The following PTPRD variants were observed in gnomAD, a reference collection of about 807,000 sequenced individuals.
PTPRD encodes receptor-type tyrosine-protein phosphatase delta.
A neutral mutation model predicts 214.5 loss-of-function variants in PTPRD; 34 were observed. That is an observed-to-expected ratio of 0.16 (90% CI 0.12 to 0.21). The LOEUF is 0.21. Ranked by LOEUF, PTPRD falls within the 10% of genes least tolerant of loss-of-function variation. The probability of loss-of-function intolerance (pLI) is 1.00; values close to 1 mark genes in which losing one functional copy is unlikely to be tolerated. For missense variants in PTPRD, 2,545 were observed against 2,398.7 expected, an observed-to-expected ratio of 1.06 and a Z score of -1.27; for synonymous variants, 1,128 against 845.7, an observed-to-expected ratio of 1.33 and a Z score of -5.79.
chr9:9,518,191 A>G (rs933853500), intron 8 of PTPRD, among the ~76,000 whole-genome samples: 3 of 152,072 alleles, frequency 2.0e-5, no homozygotes, highest in East Asian at 1.9e-4. Flanking sequence ...TTCAGGATCA[A>G]CTTTCTGTGA....
At chr9:10,574,774 T>C (rs557661232) in intron 2 of PTPRD, among the ~76,000 whole-genome samples, 105 of 144,836 alleles carry the variant, frequency 7.2e-4, no homozygotes, top group Non-Finnish European at 1.4e-3. Flanking sequence ...TATGTGTGTG[T>C]GTATATATAT....
intron 5 of PTPRD, among the ~76,000 whole-genome samples, chr9:9,806,436 A>G (rs1259130270): frequency 1.3e-5 from 2 of 152,058 alleles, no homozygotes; most frequent in Admixed American, 6.6e-5. Flanking sequence ...GTATTTTGTA[A>G]CATTCCTCCC....
chr9:8,710,163 T>C (rs945287931), intron 12 of PTPRD, among the ~76,000 whole-genome samples: 2 of 152,148 alleles, frequency 1.3e-5, no homozygotes, highest in Non-Finnish European at 2.9e-5. Context: ...GAAGCTTTTT[T>C]CCTGGCAATA....
intron 8 of PTPRD, among the ~76,000 whole-genome samples, chr9:9,404,329 G>T (rs989876981): frequency 6.6e-6 from 1 of 152,102 alleles, no homozygotes; most frequent in South Asian, 2.1e-4. Context: ...AACCTTTCCA[G>T]GCAAGAGCTG....
intron 8 of PTPRD, among the ~76,000 whole-genome samples, chr9:9,456,840 T>C (rs892539143): frequency 2.6e-5 from 4 of 151,922 alleles, no homozygotes; most frequent in Non-Finnish European, 5.9e-5. Context: ...CCTGAAGTTT[T>C]ATTCCAGAAT....
chr9:8,739,503 G>A (rs575095630), intron 11 of PTPRD, among the ~76,000 whole-genome samples: 94 of 152,332 alleles, frequency 6.2e-4, no homozygotes, highest in African/African-American at 2.1e-3. Flanking sequence ...ACAGCCACAT[G>A]TGGCTAGTGG....
intron 2 of PTPRD, among the ~76,000 whole-genome samples, chr9:10,550,712 A>AC (rs1312303882): frequency 1.3e-5 from 2 of 152,112 alleles, no homozygotes; most frequent in Non-Finnish European, 2.9e-5. Context: ...AAGCAGAAAT[A>AC]CCCCATGATA....
chr9:10,547,263 T>C (rs917705740), intron 2 of PTPRD, among the ~76,000 whole-genome samples: 9 of 152,046 alleles, frequency 5.9e-5, no homozygotes, highest in Non-Finnish European at 1.5e-5. Flanking sequence ...TATTCTAAGG[T>C]TTTATTGATT....
At chr9:8,460,307 G>T in intron 33 of PTPRD, 104 bp downstream of exon 33, 1 of 1,315,802 alleles carries the variant, frequency 7.6e-7, no homozygotes, top group Non-Finnish European at 1.1e-6. Flanking sequence ...TGGCACTGAA[G>T]TATTTCTACT....
At chr9:8,409,743 A>C (rs1391692248) in intron 35 of PTPRD, among the ~76,000 whole-genome samples, 4 of 152,188 alleles carry the variant, frequency 2.6e-5, no homozygotes, top group African/African-American at 9.6e-5. Flanking sequence ...AAAACCTCAA[A>C]ATATTCCCTT....
chr9:10,425,517 GC>G, intron 2 of PTPRD, among the ~76,000 whole-genome samples: 1 of 151,988 alleles, frequency 6.6e-6, no homozygotes, highest in East Asian at 1.9e-4. Flanking sequence ...TGTCCTTATA[GC>G]ATAGGCTCCC....
intron 5 of PTPRD, among the ~76,000 whole-genome samples, chr9:9,776,583 C>G (rs1318001279): frequency 1.3e-5 from 2 of 152,054 alleles, no homozygotes; most frequent in African/African-American, 4.8e-5. Context: ...ATTTGTTGCT[C>G]TTTTTGCATG....
At chr9:9,336,832 T>A (rs1011943344) in intron 9 of PTPRD, among the ~76,000 whole-genome samples, 1 of 152,186 alleles carries the variant, frequency 6.6e-6, no homozygotes, top group South Asian at 2.1e-4. Flanking sequence ...TTAAGTCTCA[T>A]CTTTGTGATA....
At chr9:9,912,513 A>T (rs1048778296) in intron 5 of PTPRD, among the ~76,000 whole-genome samples, 11 of 152,176 alleles carry the variant, frequency 7.2e-5, no homozygotes, top group African/African-American at 2.7e-4. Context: ...ACTCCTCAAT[A>T]GCACATGTTT....
At chr9:9,498,816 A>C (rs557542390) in intron 8 of PTPRD, among the ~76,000 whole-genome samples, 1 of 152,254 alleles carries the variant, frequency 6.6e-6, no homozygotes, top group Admixed American at 6.5e-5. Flanking sequence ...AAATACACAA[A>C]AATTACCCAA....
chr9:9,622,284 A>G (rs1182753257), intron 7 of PTPRD, among the ~76,000 whole-genome samples: 3 of 152,058 alleles, frequency 2.0e-5, no homozygotes, highest in South Asian at 2.1e-4. Context: ...TGCTTTTCCT[A>G]TTTTCTCACA....
chr9:8,702,206 G>A (rs1176792645), intron 12 of PTPRD, among the ~76,000 whole-genome samples: 4 of 151,232 alleles, frequency 2.6e-5, no homozygotes, highest in Admixed American at 6.6e-5. Context: ...GTTGGTCTAC[G>A]TTTATATAGG....
At chr9:10,055,683 T>C (rs553145373) in intron 3 of PTPRD, among the ~76,000 whole-genome samples, 14 of 152,184 alleles carry the variant, frequency 9.2e-5, no homozygotes, top group Non-Finnish European at 1.0e-4. Context: ...GTATATATAC[T>C]GAATTATGAA....
At chr9:10,084,242 C>A (rs1477049127) in intron 3 of PTPRD, among the ~76,000 whole-genome samples, 1 of 151,870 alleles carries the variant, frequency 6.6e-6, no homozygotes, top group Non-Finnish European at 1.5e-5. Context: ...GCTATCTTTT[C>A]TGAAGTACAG....
Sources: gnomAD v4.1 joint callset for allele counts (sites outside exome capture counted in the v4.1 genomes callset) on GRCh38, gnomAD v4.1.1 for gene constraint, MANE v1.5 for transcripts, NCBI Gene and HGNC (gene_info 2026-07-23, HGNC 2026-07-21) for gene names.